Variants in VAV3 observed in about 807,000 individuals in gnomAD.
VAV3 encodes guanine nucleotide exchange factor VAV3.
Under a neutral mutation model 131.2 loss-of-function variants are expected in VAV3, and 94 were observed. That is an observed-to-expected ratio of 0.72 (90% CI 0.61 to 0.85). The LOEUF (loss-of-function observed/expected upper bound fraction) is 0.85. Ranked by LOEUF, VAV3 falls within the 40% of genes least tolerant of loss-of-function variation. The probability of loss-of-function intolerance (pLI) is 0.00; values close to 1 mark genes in which losing one functional copy is unlikely to be tolerated. For synonymous variants in VAV3, 349 were observed against 342.0 expected, an observed-to-expected ratio of 1.02 and a Z score of -0.22; for missense variants, 939 against 1,002.7, an observed-to-expected ratio of 0.94 and a Z score of 0.86.
chr1:107,665,631 G>A (rs549069364), intron 19 of VAV3, among the ~76,000 whole-genome samples: 10 of 152,242 alleles, frequency 6.6e-5, no homozygotes, highest in South Asian at 4.1e-4. Context: ...TCATATGATC[G>A]GTCATATGAC....
intron 19 of VAV3, among the ~76,000 whole-genome samples, chr1:107,649,000 A>C (rs1050862913): frequency 4.6e-5 from 7 of 152,002 alleles, no homozygotes; most frequent in African/African-American, 1.7e-4. Context: ...GGCAAATTCC[A>C]GGAGGAAGGT....
chr1:107,628,145 G>A (rs1654174372), intron 20 of VAV3, among the ~76,000 whole-genome samples: 1 of 152,098 alleles, frequency 6.6e-6, no homozygotes, highest in Admixed American at 6.6e-5. Flanking sequence ...GGGGTGAAAG[G>A]GAAAACCAGG....
At chr1:107,634,932 A>G (rs1486824900) in intron 20 of VAV3, among the ~76,000 whole-genome samples, 5 of 150,922 alleles carry the variant, frequency 3.3e-5, no homozygotes, top group South Asian at 4.2e-4. Context: ...ACCATCTCAC[A>G]CCAGTTAGAA....
chr1:107,727,130 C>CA (rs1375614673), intron 15 of VAV3, among the ~76,000 whole-genome samples: 1 of 152,196 alleles, frequency 6.6e-6, no homozygotes, highest in Non-Finnish European at 1.5e-5. Flanking sequence ...CCATGCAAAA[C>CA]AAAAATAGAT....
chr1:107,622,568 G>C lies in VAV3; in HGVS notation c.1915-4936C>G, dbSNP rs149751309. ...GGATTGGAGCCTTAATGCACTCCTG[G>C]AATAGCACTGAACAATTTGAAACAG... On this transcript the variant is annotated intron_variant, in intron 20 of 26. Transcript: ENST00000370056. Among the ~76,000 whole-genome samples, 15 of 152,260 alleles carry C rather than the reference G, an allele frequency of 9.9e-5. No individual in the cohort carries two copies. The East Asian group carries it at 2.9e-3, about 29-fold the overall frequency.
chr1:107,662,899 C>T (rs1217578432), intron 19 of VAV3, among the ~76,000 whole-genome samples: 3 of 152,194 alleles, frequency 2.0e-5, no homozygotes, highest in Non-Finnish European at 4.4e-5. Context: ...TTCCCCAACA[C>T]TGAAACCCTC....
intron 22 of VAV3, among the ~76,000 whole-genome samples, chr1:107,609,247 T>C (rs910375953): frequency 6.6e-6 from 1 of 152,248 alleles, no homozygotes; most frequent in Non-Finnish European, 1.5e-5. Context: ...TATTTTTTAA[T>C]AGTTGGAGAT....
intron 5 of VAV3, among the ~76,000 whole-genome samples, chr1:107,772,361 A>T (rs1665096741): frequency 6.6e-6 from 1 of 152,182 alleles, no homozygotes; most frequent in East Asian, 1.9e-4. Context: ...ATTTTATCTT[A>T]TATCAAATTT....
intron 15 of VAV3, among the ~76,000 whole-genome samples, chr1:107,736,242 G>A (rs111391142): frequency 0.026 from 3,883 of 152,162 alleles, 168 homozygotes; most frequent in African/African-American, 0.087. Flanking sequence ...CAAACCCACA[G>A]CCAATATCAT....
intron 22 of VAV3, among the ~76,000 whole-genome samples, chr1:107,606,958 C>CTTT (rs11392912): frequency 6.9e-6 from 1 of 144,500 alleles, no homozygotes; most frequent in Non-Finnish European, 1.5e-5. Flanking sequence ...GGAGTCTGAT[C>CTTT]TTTTTTTTTT....
chr1:107,909,659 C>T (rs1461576203), intron 1 of VAV3, among the ~76,000 whole-genome samples: 4 of 152,104 alleles, frequency 2.6e-5, no homozygotes, highest in Admixed American at 2.0e-4. Flanking sequence ...CTGCATTTAA[C>T]AAATTACCAA....
At chr1:107,954,092 C>T (rs41517044) in intron 1 of VAV3, among the ~76,000 whole-genome samples, 4,303 of 152,294 alleles carry the variant, frequency 0.028, 98 homozygotes, top group East Asian at 0.1. Flanking sequence ...AGAATGTCAA[C>T]TTGTGACTGG....
chr1:107,810,340 A>G (rs1407413210), intron 2 of VAV3, among the ~76,000 whole-genome samples: 2 of 152,186 alleles, frequency 1.3e-5, no homozygotes, highest in African/African-American at 2.4e-5. Context: ...GAAGAGACAT[A>G]CACAGAAAGG....
rs6688197 is a variant in VAV3 at position 107,769,883 on chromosome 1, A to G, written c.648+753T>C. On this transcript the variant is annotated intron_variant, in intron 6 of 26. Coordinates refer to ENST00000370056, the MANE Select transcript of VAV3 (RefSeq NM_006113.5). ...TTTAAAATTTACTCAGAATCTGACC[A>G]CCTATACCACCATTTTTGTCATCTC... Among the ~76,000 whole-genome samples the G allele has an allele frequency of 1.5e-3, 232 of 152,262 alleles. 2 individuals carry two copies. Among genetic ancestry groups the G allele is most frequent in the African/African-American group, 5.4e-3 (226 of 41,546 alleles).
chr1:107,836,595 G>C (rs1276090766), intron 2 of VAV3, among the ~76,000 whole-genome samples: 1 of 152,052 alleles, frequency 6.6e-6, no homozygotes, highest in Non-Finnish European at 1.5e-5. Flanking sequence ...ATGAAACTGA[G>C]ATGCAAATAC....
intron 25 of VAV3, among the ~76,000 whole-genome samples, chr1:107,586,323 A>G (rs965719108): frequency 1.3e-5 from 2 of 152,144 alleles, no homozygotes; most frequent in African/African-American, 4.8e-5. Flanking sequence ...GCTCTCAATT[A>G]AGATCTGTTG....
chr1:107,691,056 C>T (rs1318025851), intron 17 of VAV3, among the ~76,000 whole-genome samples: 1 of 152,150 alleles, frequency 6.6e-6, no homozygotes, highest in Non-Finnish European at 1.5e-5. Flanking sequence ...TTCAGAAATT[C>T]TTAGCCAGGC....
At chr1:107,862,293 T>C (rs952963131) in intron 2 of VAV3, among the ~76,000 whole-genome samples, 27 of 151,690 alleles carry the variant, frequency 1.8e-4, no homozygotes, top group Admixed American at 1.5e-3. Flanking sequence ...ACACTTCCTC[T>C]GCCTAATCCT....
In VAV3 at chr1:107,892,131, T is replaced by C. The variant is rs1049362316; in HGVS notation, c.205-17114A>G. 3.3e-5 allele frequency among the ~76,000 whole-genome samples: 5 copies of C among 152,180 alleles called. No homozygotes were observed. In the South Asian group the frequency reaches 1.0e-3, roughly 31 times the overall value. The stretch of plus-strand genomic sequence containing the variant: ...TATCCCTAATTTTATGTGATTAATA[T>C]GTCATAATGGCATGTCATTGTTAGC... On this transcript the variant is annotated intron_variant, in intron 1 of 26. Coordinates refer to ENST00000370056, the MANE Select transcript of VAV3 (RefSeq NM_006113.5).
Sources: gnomAD v4.1 joint callset for allele counts (sites outside exome capture counted in the v4.1 genomes callset) on GRCh38, gnomAD v4.1.1 for gene constraint, MANE v1.5 for transcripts, NCBI Gene and HGNC (gene_info 2026-07-23, HGNC 2026-07-21) for gene names.